RAB36: variants seen among roughly 807,000 people sequenced by gnomAD.
The protein encoded by RAB36 is ras-related protein Rab-36.
In RAB36, 33 loss-of-function variants were observed where a neutral mutation model predicts 39.3. The observed-to-expected ratio is 0.84, with a 90% CI of 0.64 to 1.12. The LOEUF is 1.12. RAB36 is among the 50% of genes most tolerant of loss of function. RAB36 has a pLI of 0.00. For synonymous variants in RAB36, 133 were observed against 140.2 expected (o/e 0.95, Z 0.36); for missense variants, 308 against 355.3 (o/e 0.87, Z 1.07).
chr22:23,145,660 C>A, intron 1 of RAB36, 109 bp downstream of exon 1: 1 of 1,277,804 alleles, frequency 7.8e-7, no homozygotes. Flanking sequence ...ACTTCCCGCC[C>A]CTATAACTTG....
At chr22:23,154,172 C>G (rs979305007) in intron 5 of RAB36, among the ~76,000 whole-genome samples, 4 of 152,128 alleles carry the variant, frequency 2.6e-5, no homozygotes, top group African/African-American at 9.7e-5. Context: ...TGCAGGCCTG[C>G]CTGGGCTCGG....
In RAB36 at chr22:23,145,561, C is replaced by G; in HGVS notation, c.-13+10C>G. ...TTCACAGCCATCGCTGGTGAGTCAG[C>G]TCGCCCACTCTGTCCGACCCTCCCG... On this transcript the variant is annotated intron_variant, in intron 1 of 10. Coordinates refer to ENST00000263116, the MANE Select transcript of RAB36 (RefSeq NM_004914.5). 1 of 1,596,514 alleles carries G rather than the reference C, an allele frequency of 6.3e-7. No homozygotes were observed. The highest frequency in any genetic ancestry group is 8.5e-7 in the Non-Finnish European group (1 of 1,177,180).
intron 6 of RAB36, among the ~76,000 whole-genome samples, chr22:23,156,804 G>A (rs569937086): frequency 1.3e-5 from 2 of 152,278 alleles, no homozygotes; most frequent in Admixed American, 6.5e-5. Flanking sequence ...TGCACCCTTC[G>A]CCTCTTCGGG....
intron 3 of RAB36, among the ~76,000 whole-genome samples, chr22:23,150,539 G>A (rs2146510978): frequency 6.6e-6 from 1 of 152,060 alleles, no homozygotes; most frequent in South Asian, 2.1e-4. Flanking sequence ...CTGACCTCGT[G>A]ATCAGCCTGC....
At position 23,145,566 on chromosome 22, in the gene RAB36, C is replaced by T. The variant is rs1162234941; in HGVS notation, c.-13+15C>T. The stretch of plus-strand genomic sequence containing the variant: ...AGCCATCGCTGGTGAGTCAGCTCGC[C>T]CACTCTGTCCGACCCTCCCGGTCAC... On this transcript the variant is annotated intron_variant, in intron 1 of 10. Coordinates refer to ENST00000263116, the MANE Select transcript of RAB36 (RefSeq NM_004914.5). 6.3e-7 allele frequency: 1 copy of T among 1,595,296 alleles called. No homozygotes were observed. Among genetic ancestry groups the T allele is most frequent in the Non-Finnish European group, 8.5e-7 (1 of 1,176,726 alleles).
chr22:23,157,861 G>A (rs2071547177), intron 6 of RAB36, 131 bp from the exon 7 acceptor site: 1 of 1,552,990 alleles, frequency 6.4e-7, no homozygotes, highest in African/African-American at 1.4e-5. Flanking sequence ...TTCATTGTAG[G>A]AGGTTCCGGT....
At chr22:23,145,941 A>T in intron 1 of RAB36, 3 of 982,086 alleles carry the variant, frequency 3.1e-6, no homozygotes, top group Non-Finnish European at 3.6e-6. Context: ...GCCCACCTAG[A>T]GCCTTCGTCC....
intron 1 of RAB36, 72 bp from the exon 2 acceptor site, chr22:23,146,533 T>C (rs1185536482): frequency 6.4e-7 from 1 of 1,563,566 alleles, no homozygotes; most frequent in South Asian, 1.2e-5. Context: ...AAAAGTTAGG[T>C]GGAAACTCAT....
rs544244552 is a variant in RAB36, at chr22:23,159,948, G to A, written c.619+695G>A. Among the ~76,000 whole-genome samples the A allele has an allele frequency of 5.3e-5, 8 of 152,326 alleles. No homozygotes were observed. In the East Asian group the frequency reaches 1.5e-3, roughly 29 times the overall value. On this transcript the variant is annotated intron_variant, in intron 9 of 10. Coordinates refer to ENST00000263116, the MANE Select transcript of RAB36 (RefSeq NM_004914.5). ...TGAAAAAACGTTTTAAATTACAAAA[G>A]CCAGGTGTATTTACTGAGGAAAACA...
chr22:23,159,909 A>G (rs1036337206), intron 9 of RAB36, among the ~76,000 whole-genome samples: 1 of 152,232 alleles, frequency 6.6e-6, no homozygotes, highest in South Asian at 2.1e-4. Flanking sequence ...GATGCCATCC[A>G]TCTCCCTTTT....
rs763546298 is a variant in RAB36 at position 23,146,660 on chromosome 22, A to G, written c.44A>G (p.Asp15Gly). The G allele has an allele frequency of 1.7e-5, 27 of 1,613,910 alleles. No homozygotes were observed. Among genetic ancestry groups the G allele is most frequent in the Middle Eastern group, 1.6e-4 (1 of 6,084 alleles). The change falls in exon 2 of 11, where the codon GAC (aspartate) becomes GGC (glycine). Residue 15 changes from aspartate to glycine, a missense_variant. Transcript: ENST00000263116. ...LTPLGPPVSR[D>G]RVIASFPKWY... ...CCTTTGGGGCCCCCTGTGAGCCGCG[A>G]CCGTGTCATCGCCAGCTTCCCTAAG...
chr22:23,163,875 C>T lies in RAB36; in HGVS notation c.*2311C>T, dbSNP rs1005356015. ...GCGCCAAGGCCTCTCCCTGATGGCA[C>T]ACAAGGAGCCTCCTTCCTGTAGCAG... On this transcript the variant is annotated 3_prime_UTR_variant, in exon 11 of 11. Coordinates refer to ENST00000263116, the MANE Select transcript of RAB36 (RefSeq NM_004914.5). 2 of 152,262 alleles carry T rather than the reference C, an allele frequency of 1.3e-5. No homozygotes were observed. The highest frequency in any genetic ancestry group is 2.9e-5 in the Non-Finnish European group (2 of 68,054). The allele number at this position is 152,262 out of a possible 1,614,324, so 9.4% of individuals were successfully genotyped here. A position where few individuals can be genotyped will look rare whatever the true frequency, so the allele number is the denominator to read the frequency against.
chr22:23,160,868 T>A lies in RAB36; in HGVS notation c.620-11T>A, dbSNP rs373132105. 214 of 1,611,886 alleles carry A rather than the reference T, an allele frequency of 1.3e-4. No individual in the cohort carries two copies. The highest frequency in any genetic ancestry group is 1.7e-4 in the Non-Finnish European group (201 of 1,178,842). On this transcript the variant is annotated splice_polypyrimidine_tract_variant and intron_variant, in intron 9 of 10. Coordinates refer to ENST00000263116, the MANE Select transcript of RAB36 (RefSeq NM_004914.5). The stretch of plus-strand genomic sequence containing the variant: ...CACTGATGAGGTCCCGGCTGTCTTG[T>A]GGGCCCACAGGCGAGAACGTGAAGG...
At chr22:23,145,466 G>T (rs746854024), upstream of RAB36, 2 of 1,609,762 alleles carry the variant, frequency 1.2e-6, no homozygotes, top group Admixed American at 1.7e-5. Flanking sequence ...CGCAGGTCCC[G>T]CGTGGCTCTC....
In RAB36 at chr22:23,160,881, G is replaced by A. The variant is rs553470746; in HGVS notation, c.622G>A (p.Glu208Lys). The A allele has an allele frequency of 1.3e-5, 21 of 1,613,186 alleles. No homozygotes were observed. Among genetic ancestry groups the A allele is most frequent in the Middle Eastern group, 1.6e-4 (1 of 6,072 alleles). ...EYWSVSAKTG[E>K]NVKAFFSRVA... ...CCGGCTGTCTTGTGGGCCCACAGGC[G>A]AGAACGTGAAGGCATTCTTCAGCCG... The change falls in exon 10 of 11, where the codon GAG becomes AAG. Residue 208 changes from glutamate to lysine, a missense_variant and splice_region_variant. Coordinates refer to ENST00000263116, the MANE Select transcript of RAB36 (RefSeq NM_004914.5).
rs2071212162 is a variant in RAB36 at position 23,152,525 on chromosome 22, A to G, written c.226A>G (p.Arg76Gly). 1 of 1,613,964 alleles carries G rather than the reference A, an allele frequency of 6.2e-7. No individual in the cohort carries two copies. Residue 76 changes from arginine (R) to glycine (G), a missense_variant and splice_region_variant, in exon 4 of 11, where the codon AGG (arginine) becomes GGG (glycine). Arg to Gly is a moderately radical substitution (Grantham distance 125, BLOSUM62 -2). Coordinates refer to ENST00000263116, the MANE Select transcript of RAB36 (RefSeq NM_004914.5). ...LYVGKTSLIH[R>G]FCKNVFDRDY... The stretch of plus-strand genomic sequence containing the variant: ...CGTGGGGAAGACCAGCCTCATCCAC[A>G]GGTACAAGGCTTCCTCTGCCCCTTT...
chr22:23,150,462 C>T (rs1382411100), intron 3 of RAB36, among the ~76,000 whole-genome samples: 4 of 151,986 alleles, frequency 2.6e-5, no homozygotes, highest in East Asian at 1.9e-4. Context: ...CCACCACGCC[C>T]GGCTAATTTT....
At chr22:23,157,049 G>T (rs964103566) in intron 6 of RAB36, among the ~76,000 whole-genome samples, 6 of 152,174 alleles carry the variant, frequency 3.9e-5, no homozygotes, top group African/African-American at 1.4e-4. Flanking sequence ...CATTTGCCTG[G>T]AATGTTCTCC....
downstream of RAB36, among the ~76,000 whole-genome samples, chr22:23,166,923 G>A (rs184761895): frequency 2.4e-3 from 372 of 152,248 alleles, 1 homozygote; most frequent in Non-Finnish European, 3.9e-3. Context: ...TATGGAGCAC[G>A]CTCTTTGTGC....
Sources: allele counts gnomAD v4.1 joint callset (sites outside exome capture counted in the v4.1 genomes callset), GRCh38; gene constraint gnomAD v4.1.1; transcripts MANE v1.5; gene names NCBI Gene and HGNC (gene_info 2026-07-23, HGNC 2026-07-21).